CBR1: variants seen among roughly 807,000 people sequenced by gnomAD.
CBR1 encodes carbonyl reductase 1.
CBR1 carries 11 observed loss-of-function variants against 10.6 expected under a neutral mutation model. The ratio of observed to expected loss-of-function variants is 1.03; its 90% CI spans 0.65 to 1.71. The LOEUF is 1.71. Ranked by LOEUF, CBR1 falls within the 40% of genes most tolerant of loss-of-function variation. The probability of loss-of-function intolerance (pLI) is 0.00; values close to 1 mark genes in which losing one functional copy is unlikely to be tolerated. For synonymous variants in CBR1, 158 were observed against 156.7 expected, an observed-to-expected ratio of 1.01 and a Z score of -0.06; for missense variants, 361 against 368.6, an observed-to-expected ratio of 0.98 and a Z score of 0.17.
chr21:36,071,909 C>T (rs1249582657), intron 2 of CBR1: 5 of 1,535,980 alleles, frequency 3.3e-6, no homozygotes, highest in Middle Eastern at 1.7e-4. Flanking sequence ...TGTCCATAAT[C>T]TGCCGCTGCT....
In CBR1 at chr21:36,070,107, C is replaced by G. The variant is rs1433138735; in HGVS notation, c.-9C>G. On this transcript the variant is annotated 5_prime_UTR_variant, in exon 1 of 3. Transcript: ENST00000290349. Reference sequence around the variant, plus strand: ...CTCCACGCAGGTGTTCCGCGCGCCCCGTTCAGCCATGTCGTCCGGCATCCA... The same window carrying G: ...CTCCACGCAGGTGTTCCGCGCGCCCGGTTCAGCCATGTCGTCCGGCATCCA... 6.0e-6 allele frequency: 9 copies of G among 1,492,892 alleles called. No individual in the cohort carries two copies. Among genetic ancestry groups the G allele is most frequent in the African/African-American group, 1.4e-5 (1 of 71,340 alleles). 92.5% of individuals were successfully genotyped at this position (1,492,892 alleles called of 1,614,324 possible).
chr21:36,072,970 T>A lies in CBR1; in HGVS notation c.*88T>A. On this transcript the variant is annotated 3_prime_UTR_variant, in exon 3 of 3. Coordinates refer to ENST00000290349, the MANE Select transcript of CBR1 (RefSeq NM_001757.4). ...GCATTTACAATGTCATAAATATCCT[T>A]ATATAAGAAAAAAAATGATCTCTTA... 1.2e-6 allele frequency: 1 copy of A among 864,286 alleles called. No homozygotes were observed. The highest frequency in any genetic ancestry group is 1.8e-6 in the Non-Finnish European group (1 of 570,946). The allele number at this position is 864,286 out of a possible 1,614,324, so 53.5% of individuals were successfully genotyped here.
At chr21:36,070,877 TTTTAGTATCATTGTATAGAA>T in intron 1 of CBR1, 53 bp from the exon 2 acceptor site, 3 of 899,236 alleles carry the variant, frequency 3.3e-6, no homozygotes, top group South Asian at 1.7e-5. Context: ...TTTTTTTTTT[TTTTAGTATCATTGTATAGAA>T]TTTTACCCCA....
In CBR1 at chr21:36,070,989, C is replaced by T. The variant is rs200192508; in HGVS notation, c.329C>T (p.Thr110Met). 2.5e-6 allele frequency: 4 copies of T among 1,613,216 alleles called. No homozygotes were observed. The highest frequency in any genetic ancestry group is 1.7e-4 in the Middle Eastern group (1 of 6,060). ...PTPFHIQAEV[T>M]MKTNFFGTRD... ...CCCTTTCATATTCAAGCTGAAGTGACGATGAAAACAAATTTCTTTGGTACC... is the reference window on the plus strand; with the variant it reads ...CCCTTTCATATTCAAGCTGAAGTGATGATGAAAACAAATTTCTTTGGTACC... Residue 110 changes from threonine to methionine, a missense_variant, in exon 2 of 3, where the codon ACG becomes ATG. By Grantham distance (81) the Thr-to-Met change is moderately conservative. Transcript: ENST00000290349.
In CBR1 at chr21:36,070,314, C is replaced by T. The variant is rs1319957378; in HGVS notation, c.199C>T (p.Leu67=). ...CTTCCACCAGCTGGACATCGACGAT[C>T]TGCAGAGCATCCGCGCCCTGCGCGA... ...PRFHQLDIDD[L]QSIRALRDFL... Residue 67 remains leucine, a synonymous_variant, in exon 1 of 3, where the codon CTG becomes TTG. Transcript: ENST00000290349. The T allele has an allele frequency of 6.2e-7, 1 of 1,613,362 alleles. No individual in the cohort carries two copies.
At chr21:36,070,862 T>TG in intron 1 of CBR1, 88 bp from the exon 2 acceptor site, 2 of 725,180 alleles carry the variant, frequency 2.8e-6, no homozygotes, top group Middle Eastern at 3.1e-4. Flanking sequence ...AGTTTTTTTT[T>TG]TTTTTTTTTT....
chr21:36,070,879 T>TA, intron 1 of CBR1, 71 bp from the exon 2 acceptor site: 1 of 903,904 alleles, frequency 1.1e-6, no homozygotes, highest in Non-Finnish European at 1.7e-6. Flanking sequence ...TTTTTTTTTT[T>TA]TAGTATCATT....
Position 36,072,717 on chromosome 21 carries a change from G to C in CBR1, c.669G>C (p.Leu223=), listed in dbSNP as rs768922674. The stretch of plus-strand genomic sequence containing the variant: ...AGAGGAAAGGGGACAAGATCCTCCT[G>C]AATGCCTGCTGCCCAGGGTGGGTGA... ...SEQRKGDKIL[L]NACCPGWVRT... is the part of the protein sequence containing the mutation. Residue 223 remains leucine, a synonymous_variant, in exon 3 of 3, where the codon CTG becomes CTC. Transcript: ENST00000290349. 1.2e-6 allele frequency: 2 copies of C among 1,614,048 alleles called. No individual in the cohort carries two copies. The highest frequency in any genetic ancestry group is 1.3e-5 in the African/African-American group (1 of 74,908).
At position 36,070,276 on chromosome 21, in the gene CBR1, G is replaced by C; in HGVS notation, c.161G>C (p.Gly54Ala). ...GCCGTACAGCAGCTGCAGGCGGAGGGCCTGAGCCCGCGCTTCCACCAGCTG... is the reference window on the plus strand; with the variant it reads ...GCCGTACAGCAGCTGCAGGCGGAGGCCCTGAGCCCGCGCTTCCACCAGCTG... ...QAAVQQLQAE[G>A]LSPRFHQLDI... Residue 54 changes from glycine to alanine, a missense_variant, in exon 1 of 3, where the codon GGC (glycine) becomes GCC (alanine). By Grantham distance (60) the Gly-to-Ala change is moderately conservative. Transcript: ENST00000290349. The C allele has an allele frequency of 1.2e-6, 2 of 1,612,278 alleles. No individual in the cohort carries two copies. The highest frequency in any genetic ancestry group is 1.7e-6 in the Non-Finnish European group (2 of 1,179,846).
intron 2 of CBR1, 116 bp downstream of exon 2, chr21:36,071,173 C>T (rs1272477823): frequency 2.6e-6 from 2 of 779,774 alleles, no homozygotes; most frequent in Non-Finnish European, 4.6e-6. Context: ...GCACTGACCT[C>T]TGTGCTTTTT....
At position 36,072,561 on chromosome 21, in the gene CBR1, C is replaced by T; in HGVS notation, c.513C>T (p.Leu171=). Residue 171 remains leucine, a synonymous_variant, in exon 3 of 3, where the codon CTC becomes CTT. Coordinates refer to ENST00000290349, the MANE Select transcript of CBR1 (RefSeq NM_001757.4). ...TCACTGAGGAGGAGCTGGTGGGGCT[C>T]ATGAACAAGTTTGTGGAGGATACAA... ...ETITEEELVG[L]MNKFVEDTKK... 1 of 1,601,014 alleles carries T rather than the reference C, an allele frequency of 6.2e-7. No homozygotes were observed. Among genetic ancestry groups the T allele is most frequent in the Non-Finnish European group, 8.5e-7 (1 of 1,173,910 alleles).
intron 2 of CBR1, 176 bp from the exon 3 acceptor site, chr21:36,072,270 T>C: frequency 6.4e-7 from 1 of 1,551,362 alleles, no homozygotes; most frequent in African/African-American, 1.4e-5. Flanking sequence ...AAGGCAGGAA[T>C]GAACTTCTTC....
At chr21:36,072,193 C>G in intron 2 of CBR1, 1 of 1,550,542 alleles carries the variant, frequency 6.4e-7, no homozygotes, top group Non-Finnish European at 8.7e-7. Flanking sequence ...TTCTAAGGCT[C>G]TGGTTCACCA....
At chr21:36,072,002 T>G in intron 2 of CBR1, 1 of 1,530,720 alleles carries the variant, frequency 6.5e-7, no homozygotes. Flanking sequence ...TGTAAACTGC[T>G]GTGATAGTTA....
chr21:36,072,154 T>C, intron 2 of CBR1: 3 of 1,544,676 alleles, frequency 1.9e-6, no homozygotes, highest in Non-Finnish European at 2.6e-6. Flanking sequence ...CCTGTTTCCC[T>C]GTCCTGTCGT....
chr21:36,071,528 C>T lies in CBR1; in HGVS notation c.397+471C>T, dbSNP rs2065352007. The T allele has an allele frequency of 1.1e-5, 6 of 558,890 alleles. No homozygotes were observed. The South Asian group carries it at 1.4e-4, about 13-fold the overall frequency. The allele number at this position is 558,890 out of a possible 1,614,324, so 34.6% of individuals were successfully genotyped here. On this transcript the variant is annotated intron_variant, in intron 2 of 2. Coordinates refer to ENST00000290349, the MANE Select transcript of CBR1 (RefSeq NM_001757.4). ...TGGTTGTCTTGCTGCCTTTCCATCT[C>T]TTCCTGATGCCTTTCCCCACAATCT...
rs555514457 is a variant in CBR1, at chr21:36,072,945, G to A, written c.*63G>A. Reference sequence around the variant, plus strand: ...ACCTTGTCCTGAGTTGGTCCAAAGGGCATTTACAATGTCATAAATATCCTT... The same window carrying A: ...ACCTTGTCCTGAGTTGGTCCAAAGGACATTTACAATGTCATAAATATCCTT... On this transcript the variant is annotated 3_prime_UTR_variant, in exon 3 of 3. Transcript: ENST00000290349. 82 of 1,158,946 alleles carry A rather than the reference G, an allele frequency of 7.1e-5. No individual in the cohort carries two copies. The East Asian group carries it at 1.8e-3, about 25-fold the overall frequency. 71.8% of individuals were successfully genotyped at this position (1,158,946 alleles called of 1,614,324 possible). A position where few individuals can be genotyped will look rare whatever the true frequency, so the allele number is the denominator to read the frequency against.
At position 36,072,752 on chromosome 21, in the gene CBR1, T is replaced by C. The variant is rs762932134; in HGVS notation, c.704T>C (p.Met235Thr). The change falls in exon 3 of 3, where the codon ATG becomes ACG. Residue 235 changes from methionine to threonine, a missense_variant. By Grantham distance (81) the Met-to-Thr change is moderately conservative. Transcript: ENST00000290349. ...TGCCCAGGGTGGGTGAGAACTGACATGGCGGGACCCAAGGCCACCAAGAGC... is the reference window on the plus strand; with the variant it reads ...TGCCCAGGGTGGGTGAGAACTGACACGGCGGGACCCAAGGCCACCAAGAGC... ...ACCPGWVRTD[M>T]AGPKATKSPE... 3 of 1,613,946 alleles carry C rather than the reference T, an allele frequency of 1.9e-6. No individual in the cohort carries two copies. The highest frequency in any genetic ancestry group is 1.3e-5 in the African/African-American group (1 of 74,880).
chr21:36,072,245 C>T (rs1362354640), intron 2 of CBR1: 5 of 1,550,742 alleles, frequency 3.2e-6, no homozygotes, highest in East Asian at 2.4e-5. Context: ...CCTGACTCTA[C>T]TCAGCCAAAA....
Sources: gnomAD v4.1 joint callset for allele counts on GRCh38, gnomAD v4.1.1 for gene constraint, MANE v1.5 for transcripts, NCBI Gene and HGNC (gene_info 2026-07-23, HGNC 2026-07-21) for gene names.